EEF1AKMT4: variants seen among roughly 807,000 people sequenced by gnomAD.
The protein encoded by EEF1AKMT4 is eukaryotic translation elongation factor 1 alpha lysine specific methyltransferase 4.
EEF1AKMT4 carries 17 observed loss-of-function variants against 23.0 expected under a neutral mutation model. The observed-to-expected ratio is 0.74, with a 90% CI of 0.51 to 1.11. EEF1AKMT4 has a LOEUF of 1.11. EEF1AKMT4 is among the 50% of genes least tolerant of loss of function. EEF1AKMT4 has a pLI of 0.00. For missense variants in EEF1AKMT4, 318 were observed against 333.4 expected, an observed-to-expected ratio of 0.95 and a Z score of 0.36; for synonymous variants, 140 against 141.4, an observed-to-expected ratio of 0.99 and a Z score of 0.07.
chr3:184,251,463 G>C (rs1719550044), intron 1 of EEF1AKMT4, among the ~76,000 whole-genome samples: 1 of 152,072 alleles, frequency 6.6e-6, no homozygotes, highest in African/African-American at 2.4e-5. Context: ...AGCCCAGGAG[G>C]TGGAGGTTGC....
Position 184,249,691 on chromosome 3 carries a change from G to A in EEF1AKMT4, c.-4G>A, listed in dbSNP as rs774634317. On this transcript the variant is annotated 5_prime_UTR_variant, in exon 1 of 3. Coordinates refer to ENST00000324557, the MANE Select transcript of EEF1AKMT4 (RefSeq NM_032331.4). ...GCGGCTCTGGCTGCCCGGCGGTTGAGAGCATGGCCTCTCCAGGGGCAGGTA... is the reference window on the plus strand; with the variant it reads ...GCGGCTCTGGCTGCCCGGCGGTTGAAAGCATGGCCTCTCCAGGGGCAGGTA... 4 of 1,596,206 alleles carry A rather than the reference G, an allele frequency of 2.5e-6. No homozygotes were observed. Among genetic ancestry groups the A allele is most frequent in the East Asian group, 2.3e-5 (1 of 44,438 alleles).
rs1376959095 is a variant in EEF1AKMT4 at position 184,249,708 on chromosome 3, G to A, written c.14G>A (p.Gly5Glu). 6.2e-7 allele frequency: 1 copy of A among 1,607,994 alleles called. No individual in the cohort carries two copies. Among genetic ancestry groups the A allele is most frequent in the Non-Finnish European group, 8.5e-7 (1 of 1,176,424 alleles). Residue 5 changes from glycine to glutamate, a missense_variant, in exon 1 of 3, where the codon GGG becomes GAG. Physicochemically the swap from Gly to Glu is moderately conservative, Grantham distance 98. Coordinates refer to ENST00000324557, the MANE Select transcript of EEF1AKMT4 (RefSeq NM_032331.4). ...GCGGTTGAGAGCATGGCCTCTCCAG[G>A]GGCAGGTAGGGCGCCTCCGGAGTTA... MASPGAGRAPPELPE... is the reference protein window; with the variant it reads MASPEAGRAPPELPE...
chr3:184,252,915 C>G (rs985539616), intron 1 of EEF1AKMT4, among the ~76,000 whole-genome samples: 1 of 145,980 alleles, frequency 6.9e-6, no homozygotes, highest in African/African-American at 2.6e-5. Flanking sequence ...CCACTGCACT[C>G]CAGCCTGGGT....
chr3:184,258,316 G>A lies in EEF1AKMT4; in HGVS notation c.509G>A (p.Arg170Gln), dbSNP rs754085919. The change falls in exon 3 of 3, where the codon CGG (arginine) becomes CAG (glutamine). Residue 170 changes from arginine (R) to glutamine (Q), a missense_variant. By Grantham distance (43) the Arg-to-Gln change is conservative. Coordinates refer to ENST00000324557, the MANE Select transcript of EEF1AKMT4 (RefSeq NM_032331.4). Reference protein sequence around the residue: ...EVSRVLVPGGRFISMTSAAPH... With the variant: ...EVSRVLVPGGQFISMTSAAPH... The stretch of plus-strand genomic sequence containing the variant: ...AGCCGCGTGCTTGTCCCTGGAGGCC[G>A]GTTTATCTCAATGACTTCTGCTGCC... 2.5e-5 allele frequency: 40 copies of A among 1,612,920 alleles called. No individual in the cohort carries two copies. The highest frequency in any genetic ancestry group is 1.6e-4 in the African/African-American group (12 of 74,832).
intron 1 of EEF1AKMT4, among the ~76,000 whole-genome samples, chr3:184,251,142 T>C (rs575060998): frequency 6.8e-6 from 1 of 146,210 alleles, no homozygotes; most frequent in South Asian, 2.2e-4. Context: ...TCATGATTCA[T>C]GCTCATAATC....
intron 2 of EEF1AKMT4, 26 bp from the exon 3 acceptor site, chr3:184,258,262 C>A: frequency 6.3e-7 from 1 of 1,588,268 alleles, no homozygotes; most frequent in Non-Finnish European, 8.6e-7. Flanking sequence ...CACTTCTCAC[C>A]AATGGCTTCT....
In EEF1AKMT4 at chr3:184,257,759, G is replaced by A; in HGVS notation, c.480+3G>A. 1.2e-6 allele frequency: 2 copies of A among 1,607,806 alleles called. No homozygotes were observed. ...CTGTGGACCAGGTGTTGAGTGAGGTGAGGGAGCAACAAGAGAGGAAAGCAG... is the reference window on the plus strand; with the variant it reads ...CTGTGGACCAGGTGTTGAGTGAGGTAAGGGAGCAACAAGAGAGGAAAGCAG... On this transcript the variant is annotated splice_donor_region_variant and intron_variant, in intron 2 of 2. Coordinates refer to ENST00000324557, the MANE Select transcript of EEF1AKMT4 (RefSeq NM_032331.4).
chr3:184,252,769 C>T (rs1279398327), intron 1 of EEF1AKMT4, among the ~76,000 whole-genome samples: 2 of 151,734 alleles, frequency 1.3e-5, no homozygotes, highest in Non-Finnish European at 2.9e-5. Flanking sequence ...ATGGTGAAAC[C>T]CCGTCTCTAC....
At chr3:184,253,409 AC>A (rs1719644757) in intron 1 of EEF1AKMT4, among the ~76,000 whole-genome samples, 1 of 152,210 alleles carries the variant, frequency 6.6e-6, no homozygotes, top group Non-Finnish European at 1.5e-5. Context: ...AACTCTTAAA[AC>A]TGGTAAAATG....
rs146676849 is a variant in EEF1AKMT4, at chr3:184,249,769, C to T, written c.75C>T (p.Tyr25=). ...ACTGCGGGTACCGCGAAGTCGAGTA[C>T]TGGGATCAGCGCTACCAAGGCGCAG... The part of the protein sequence containing the change: ...ERNCGYREVE[Y]WDQRYQGAAD... The change falls in exon 1 of 3, where the codon TAC becomes TAT. Residue 25 remains tyrosine (Y), a synonymous_variant. Transcript: ENST00000324557. The T allele has an allele frequency of 3.0e-5, 49 of 1,613,294 alleles. No individual in the cohort carries two copies. In the African/African-American group the frequency reaches 5.3e-4, roughly 18 times the overall value.
At position 184,257,802 on chromosome 3, in the gene EEF1AKMT4, C is replaced by T. The variant is rs750910090; in HGVS notation, c.480+46C>T. The T allele has an allele frequency of 2.0e-5, 31 of 1,568,868 alleles. No homozygotes were observed. In the African/African-American group the frequency reaches 2.6e-4, roughly 13 times the overall value. On this transcript the variant is annotated intron_variant, in intron 2 of 2. Transcript: ENST00000324557. ...GAAAGCAGATCAATAGGTGGGGCTG[C>T]GGGGTTGAGGTTTCAGGGGACTGGA...
chr3:184,252,444 G>A (rs1001724942), intron 1 of EEF1AKMT4, among the ~76,000 whole-genome samples: 8 of 152,224 alleles, frequency 5.3e-5, no homozygotes, highest in African/African-American at 1.9e-4. Flanking sequence ...AGAATGTGCT[G>A]GGCCCTTTCT....
intron 1 of EEF1AKMT4, among the ~76,000 whole-genome samples, chr3:184,251,981 C>T (rs1396676913): frequency 6.6e-6 from 1 of 152,196 alleles, no homozygotes; most frequent in Non-Finnish European, 1.5e-5. Flanking sequence ...AACCCCTTCT[C>T]CCCACAAGTA....
In EEF1AKMT4 at chr3:184,257,638, G is replaced by T. The variant is rs763996482; in HGVS notation, c.362G>T (p.Ser121Ile). The T allele has an allele frequency of 1.9e-6, 3 of 1,614,226 alleles. No individual in the cohort carries two copies. The South Asian group carries it at 3.3e-5, about 18-fold the overall frequency. Residue 121 changes from serine to isoleucine, a missense_variant, in exon 2 of 3, where the codon AGT (serine) becomes ATT (isoleucine). Transcript: ENST00000324557. Reference sequence around the variant, plus strand: ...GATGTGCGGAAGCTGGACTTCCCCAGTGCTTCTTTTGATGTGGTGCTCGAG... The same window carrying T: ...GATGTGCGGAAGCTGGACTTCCCCATTGCTTCTTTTGATGTGGTGCTCGAG... ...TMDVRKLDFP[S>I]ASFDVVLEKG... is the part of the protein sequence containing the mutation.
At chr3:184,257,128 T>TA (rs1165970078) in intron 1 of EEF1AKMT4, among the ~76,000 whole-genome samples, 4 of 145,044 alleles carry the variant, frequency 2.8e-5, no homozygotes, top group Non-Finnish European at 5.9e-5. Context: ...GAGAATCACT[T>TA]AAAGCCGGGA....
At chr3:184,252,664 C>T (rs1055968753) in intron 1 of EEF1AKMT4, among the ~76,000 whole-genome samples, 4 of 152,024 alleles carry the variant, frequency 2.6e-5, no homozygotes, top group African/African-American at 7.2e-5. Context: ...GAATGATGGC[C>T]GGGCAGGGTG....
At chr3:184,255,258 C>G (rs1391155810) in intron 1 of EEF1AKMT4, among the ~76,000 whole-genome samples, 1 of 152,192 alleles carries the variant, frequency 6.6e-6, no homozygotes, top group Non-Finnish European at 1.5e-5. Flanking sequence ...ACCCTTACCC[C>G]CATCCCATGT....
In EEF1AKMT4 at chr3:184,257,461, C is replaced by G; in HGVS notation, c.197-12C>G. 1 of 1,588,950 alleles carries G rather than the reference C, an allele frequency of 6.3e-7. No homozygotes were observed. The highest frequency in any genetic ancestry group is 1.1e-5 in the South Asian group (1 of 89,044). On this transcript the variant is annotated splice_polypyrimidine_tract_variant and intron_variant, in intron 1 of 2. Coordinates refer to ENST00000324557, the MANE Select transcript of EEF1AKMT4 (RefSeq NM_032331.4). ...ACGTAGCTCTTTTGCTACCCATTCCCTCCCACCCCAGGTTGCGGGAACAGT... is the reference window on the plus strand; with the variant it reads ...ACGTAGCTCTTTTGCTACCCATTCCGTCCCACCCCAGGTTGCGGGAACAGT...
In EEF1AKMT4 at chr3:184,258,650, G is replaced by A; in HGVS notation, c.*75G>A. On this transcript the variant is annotated 3_prime_UTR_variant, in exon 3 of 3. Transcript: ENST00000324557. The stretch of plus-strand genomic sequence containing the variant: ...CAGGTAGTTGGAATTCCTGACTTAG[G>A]ACTTGGGGTTGGGTCCAAGGTGCTT... 1 of 1,511,396 alleles carries A rather than the reference G, an allele frequency of 6.6e-7. No homozygotes were observed. Among genetic ancestry groups the A allele is most frequent in the Non-Finnish European group, 8.8e-7 (1 of 1,133,462 alleles). The allele number at this position is 1,511,396 out of a possible 1,614,324, so 93.6% of individuals were successfully genotyped here. A position where few individuals can be genotyped will look rare whatever the true frequency, so the allele number is the denominator to read the frequency against.
Sources: gnomAD v4.1 joint callset for allele counts (sites outside exome capture counted in the v4.1 genomes callset) on GRCh38, gnomAD v4.1.1 for gene constraint, MANE v1.5 for transcripts, NCBI Gene and HGNC (gene_info 2026-07-23, HGNC 2026-07-21) for gene names.